Variants in COMMD6 observed in about 807,000 individuals in gnomAD.
The protein encoded by COMMD6 is COMM domain containing 6.
A neutral mutation model predicts 13.4 loss-of-function variants in COMMD6; 11 were observed. That is an observed-to-expected ratio of 0.82 (90% CI 0.52 to 1.36). COMMD6 has a LOEUF of 1.36. Ranked by LOEUF, COMMD6 falls within the 40% of genes most tolerant of loss-of-function variation. The pLI is 0.00. For missense variants in COMMD6, 124 were observed against 102.4 expected (o/e 1.21, Z -0.91); for synonymous variants, 43 against 36.5 (o/e 1.18, Z -0.64).
chr13:75,526,778 T>C, intron 3 of COMMD6, 139 bp from the exon 4 acceptor site: 1 of 541,462 alleles, frequency 1.8e-6, no homozygotes, highest in Non-Finnish European at 3.2e-6. Flanking sequence ...TTACTGAAGG[T>C]TGCTGTAAGA....
At chr13:75,536,832 T>G (rs2030679915) in intron 2 of COMMD6, among the ~76,000 whole-genome samples, 1 of 152,234 alleles carries the variant, frequency 6.6e-6, no homozygotes. Context: ...TCAGAATATC[T>G]TAAATACAAA....
In COMMD6 at chr13:75,534,410, T is replaced by C. The variant is rs1003006343; in HGVS notation, c.54+3254A>G. ...ATTGAAAGAAAGCTAAGACTAGGTT[T>C]ATGAGATGAGAGTTTCCAAAATTCT... On this transcript the variant is annotated intron_variant, in intron 2 of 3. Coordinates refer to ENST00000682242, the MANE Select transcript of COMMD6 (RefSeq NM_203495.4). Among the ~76,000 whole-genome samples the C allele has an allele frequency of 2.6e-5, 4 of 152,332 alleles. No homozygotes were observed. The East Asian group carries it at 7.7e-4, about 29-fold the overall frequency.
chr13:75,528,657 C>A (rs1021357545), intron 3 of COMMD6, among the ~76,000 whole-genome samples: 1 of 151,812 alleles, frequency 6.6e-6, no homozygotes, highest in East Asian at 1.9e-4. Context: ...GCCTGGCCAA[C>A]ATGGTGAAAC....
At chr13:75,532,933 GTT>G (rs1418511938) in intron 2 of COMMD6, among the ~76,000 whole-genome samples, 9 of 134,578 alleles carry the variant, frequency 6.7e-5, no homozygotes, top group Admixed American at 7.4e-5. Context: ...TTTTTGTTTT[GTT>G]TTTTTTTTTT....
intron 1 of COMMD6, among the ~76,000 whole-genome samples, chr13:75,545,723 G>C (rs756913985): frequency 6.6e-6 from 1 of 150,608 alleles, no homozygotes; most frequent in Non-Finnish European, 1.5e-5. Context: ...TGCCCGCCTC[G>C]GCCTCCCTGA....
chr13:75,548,200 C>T (rs189499910), intron 1 of COMMD6, among the ~76,000 whole-genome samples: 3 of 152,326 alleles, frequency 2.0e-5, no homozygotes, highest in African/African-American at 4.8e-5. Context: ...GACTAAGAGT[C>T]TGGCAATGTA....
At chr13:75,536,611 T>A (rs2138423032) in intron 2 of COMMD6, among the ~76,000 whole-genome samples, 2 of 152,286 alleles carry the variant, frequency 1.3e-5, no homozygotes, top group East Asian at 3.9e-4. Flanking sequence ...GCTGGAATGA[T>A]GTGCTTTGAA....
intron 2 of COMMD6, among the ~76,000 whole-genome samples, chr13:75,530,795 CAG>C (rs2030451892): frequency 6.6e-6 from 1 of 152,186 alleles, no homozygotes; most frequent in Non-Finnish European, 1.5e-5. Context: ...AAGCCAACTT[CAG>C]AGAGCTTAGG....
At chr13:75,537,860 C>A (rs991410134), upstream of COMMD6, 7 of 1,528,540 alleles carry the variant, frequency 4.6e-6, 1 homozygote, top group Admixed American at 2.1e-5. Context: ...CAGACCAGCG[C>A]TTCCGCTTCC....
At chr13:75,528,122 A>G (rs772032788) in intron 3 of COMMD6, among the ~76,000 whole-genome samples, 1 of 151,988 alleles carries the variant, frequency 6.6e-6, no homozygotes, top group Non-Finnish European at 1.5e-5. Flanking sequence ...TCTTTACACA[A>G]TGTATATCTT....
At chr13:75,546,407 T>C (rs1185971881) in intron 1 of COMMD6, among the ~76,000 whole-genome samples, 1 of 152,172 alleles carries the variant, frequency 6.6e-6, no homozygotes, top group Non-Finnish European at 1.5e-5. Context: ...CAGTTTAAGG[T>C]TGGAGAAATC....
chr13:75,533,419 G>C (rs1040859142), intron 2 of COMMD6, among the ~76,000 whole-genome samples: 1 of 151,834 alleles, frequency 6.6e-6, no homozygotes, highest in African/African-American at 2.4e-5. Flanking sequence ...AGTACAAAAA[G>C]TAGCCAGGTG....
intron 2 of COMMD6, 107 bp downstream of exon 2, chr13:75,537,557 C>G (rs540444818): frequency 6.4e-7 from 1 of 1,564,646 alleles, no homozygotes; most frequent in African/African-American, 1.4e-5. Flanking sequence ...GTCACCGGCT[C>G]GCGGACACAG....
At chr13:75,529,662 C>G (rs2030401074) in intron 3 of COMMD6, 1 of 152,984 alleles carries the variant, frequency 6.5e-6, no homozygotes, top group Non-Finnish European at 1.5e-5. Flanking sequence ...ACTTAAGTCC[C>G]TAGCTGATAA....
chr13:75,527,992 A>G (rs1234914150), intron 3 of COMMD6: 3 of 791,784 alleles, frequency 3.8e-6, no homozygotes, highest in East Asian at 3.7e-5. Flanking sequence ...AACATTTTAC[A>G]TGCCCTCAGC....
intron 2 of COMMD6, 80 bp downstream of exon 2, chr13:75,537,584 G>T: frequency 6.2e-7 from 1 of 1,607,480 alleles, no homozygotes; most frequent in Admixed American, 1.7e-5. Flanking sequence ...GGGAGACCTG[G>T]GGAAGGCTCA....
intron 2 of COMMD6, among the ~76,000 whole-genome samples, chr13:75,531,160 T>G (rs1387736861): frequency 6.6e-6 from 1 of 152,178 alleles, no homozygotes; most frequent in African/African-American, 2.4e-5. Context: ...ACATTTCTTC[T>G]TGGAAAAGTT....
chr13:75,532,565 C>T (rs1432283893), intron 2 of COMMD6, among the ~76,000 whole-genome samples: 2 of 152,182 alleles, frequency 1.3e-5, no homozygotes, highest in African/African-American at 2.4e-5. Flanking sequence ...GGTGCGGTGG[C>T]TCACGCCTGT....
rs1340257829 is a variant in COMMD6 at position 75,530,040 on chromosome 13, A to G, written c.207+74T>C. ...AAAAACCATTAAAGTTTTCCCGTAGAAAGATTTTATACATCTTTTTATGCA... is the reference window on the plus strand; with the variant it reads ...AAAAACCATTAAAGTTTTCCCGTAGGAAGATTTTATACATCTTTTTATGCA... On this transcript the variant is annotated intron_variant, in intron 3 of 3. Coordinates refer to ENST00000682242, the MANE Select transcript of COMMD6 (RefSeq NM_203495.4). 1.0e-5 allele frequency: 13 copies of G among 1,238,186 alleles called. No homozygotes were observed. In the East Asian group the frequency reaches 2.8e-4, roughly 27 times the overall value. The allele number at this position is 1,238,186 out of a possible 1,614,324, so 76.7% of individuals were successfully genotyped here.
Sources: gnomAD v4.1 joint callset for allele counts (sites outside exome capture counted in the v4.1 genomes callset) on GRCh38, gnomAD v4.1.1 for gene constraint, MANE v1.5 for transcripts, NCBI Gene and HGNC (gene_info 2026-07-23, HGNC 2026-07-21) for gene names.